The following ITK variants were observed in gnomAD, a reference collection of about 807,000 sequenced individuals.
The protein encoded by ITK is tyrosine-protein kinase ITK/TSK.
Under a neutral mutation model 87.6 loss-of-function variants are expected in ITK, and 45 were observed. That is an observed-to-expected ratio of 0.51 (90% CI 0.40 to 0.66). The LOEUF is 0.66. Among genes scored for constraint, ITK ranks in the 30% least tolerant of loss-of-function variants. ITK has a pLI of 0.00. For synonymous variants in ITK, 303 were observed against 273.6 expected (o/e 1.11, Z -1.06); for missense variants, 605 against 766.3 (o/e 0.79, Z 2.48).
intron 1 of ITK, chr5:157,195,595 C>T (rs1753836189): frequency 6.6e-6 from 1 of 152,210 alleles, no homozygotes; most frequent in South Asian, 2.1e-4. Context: ...AGTCACATTG[C>T]TGTCCTACAT....
Position 157,249,024 on chromosome 5 carries a change from C to T in ITK, c.1791+17C>T, listed in dbSNP as rs1257886621. On this transcript the variant is annotated intron_variant, in intron 16 of 16. Transcript: ENST00000422843. ...TGGAAAGAGGTCAGTGGAGGAAGTG[C>T]TTCCCCATGCATTGTCGTATACAAT... The T allele has an allele frequency of 1.2e-6, 2 of 1,610,194 alleles. No individual in the cohort carries two copies. Among genetic ancestry groups the T allele is most frequent in the African/African-American group, 1.3e-5 (1 of 74,856 alleles).
At chr5:157,244,884 A>T in intron 13 of ITK, 2 of 272,458 alleles carry the variant, frequency 7.3e-6, no homozygotes, top group South Asian at 8.0e-5. Context: ...GGGACTCAGG[A>T]ATATTCATTT....
At position 157,245,708 on chromosome 5, in the gene ITK, TG is replaced by T. The variant is rs1755006946; in HGVS notation, c.1450-17del. The T allele has an allele frequency of 6.2e-7, 1 of 1,612,018 alleles. No individual in the cohort carries two copies. The highest frequency in any genetic ancestry group is 1.3e-5 in the African/African-American group (1 of 74,906). Reference sequence around the variant, plus strand: ...AACAGTTTTCCTCTCCGCCTTTGTTTGCCTGTCTCCTCTCCAGGCTGCCAGA... The same window carrying T: ...AACAGTTTTCCTCTCCGCCTTTGTTTCCTGTCTCCTCTCCAGGCTGCCAGA... On this transcript the variant is annotated splice_polypyrimidine_tract_variant and intron_variant, in intron 13 of 16. Coordinates refer to ENST00000422843, the MANE Select transcript of ITK (RefSeq NM_005546.4).
intron 1 of ITK, among the ~76,000 whole-genome samples, chr5:157,184,076 A>C (rs1448721986): frequency 2.0e-5 from 3 of 152,194 alleles, no homozygotes; most frequent in African/African-American, 7.2e-5. Context: ...TGGGCCAGAA[A>C]GAAGCATAGA....
At position 157,244,405 on chromosome 5, in the gene ITK, T is replaced by G; in HGVS notation, c.1376T>G (p.Leu459Arg). Residue 459 changes from leucine (L) to arginine (R), a missense_variant, in exon 13 of 17, where the codon CTG becomes CGG. Coordinates refer to ENST00000422843, the MANE Select transcript of ITK (RefSeq NM_005546.4). Reference protein sequence around the residue: ...TQRGLFAAETLLGMCLDVCEG... With the variant: ...TQRGLFAAETRLGMCLDVCEG... ...CGGGGACTTTTTGCTGCAGAGACCC[T>G]GCTGGGCATGTGTCTGGATGTGTGT... 6.2e-7 allele frequency: 1 copy of G among 1,613,968 alleles called. No individual in the cohort carries two copies. Among genetic ancestry groups the G allele is most frequent in the East Asian group, 2.2e-5 (1 of 44,876 alleles).
intron 1 of ITK, among the ~76,000 whole-genome samples, chr5:157,189,814 A>G (rs528996274): frequency 1.3e-5 from 2 of 152,374 alleles, no homozygotes; most frequent in Non-Finnish European, 2.9e-5. Context: ...GCAAATGTTC[A>G]TGGACCAAAT....
intron 1 of ITK, among the ~76,000 whole-genome samples, chr5:157,192,827 A>G (rs1166385638): frequency 6.6e-6 from 1 of 152,180 alleles, no homozygotes; most frequent in Non-Finnish European, 1.5e-5. Flanking sequence ...AATAGTAGAA[A>G]TGAAAAGACA....
chr5:157,201,359 A>G (rs1010611775), intron 1 of ITK, among the ~76,000 whole-genome samples: 15 of 141,722 alleles, frequency 1.1e-4, no homozygotes, highest in Non-Finnish European at 1.8e-4. Context: ...GTACAGTGGC[A>G]TGATCTTGGC....
intron 1 of ITK, among the ~76,000 whole-genome samples, chr5:157,196,788 G>A: frequency 6.6e-6 from 1 of 152,086 alleles, no homozygotes; most frequent in Non-Finnish European, 1.5e-5. Flanking sequence ...ATGTATTTTG[G>A]CTACTGGTCC....
chr5:157,252,774 A>T lies in ITK; in HGVS notation c.*96A>T. 1.0e-6 allele frequency: 1 copy of T among 988,924 alleles called. No individual in the cohort carries two copies. Among genetic ancestry groups the T allele is most frequent in the South Asian group, 1.3e-5 (1 of 78,028 alleles). The allele number at this position is 988,924 out of a possible 1,614,324, so 61.3% of individuals were successfully genotyped here. ...CATTAGAAGCTGCCACCAGCCCAGG[A>T]CCCTCCAGAGGCAGCCTGGCCTGTG... On this transcript the variant is annotated 3_prime_UTR_variant, in exon 17 of 17. Coordinates refer to ENST00000422843, the MANE Select transcript of ITK (RefSeq NM_005546.4).
At position 157,214,271 on chromosome 5, in the gene ITK, C is replaced by G. The variant is rs1754252795; in HGVS notation, c.406C>G (p.Leu136Val). The G allele has an allele frequency of 6.2e-7, 1 of 1,611,764 alleles. No homozygotes were observed. The highest frequency in any genetic ancestry group is 8.5e-7 in the Non-Finnish European group (1 of 1,177,794). ...MDGKWRCCSQ[L>V]EKLATGCAQY... ...TGGGAAGTGGAGGTGCTGTTCTCAG[C>G]TGGAGAAGCTTGCAACAGGCTGTGC... The change falls in exon 4 of 17, where the codon CTG (leucine) becomes GTG (valine). Residue 136 changes from leucine (L) to valine (V), a missense_variant. By Grantham distance (32) the Leu-to-Val change is conservative. This residue lies in a region of ITK where 464 missense variants were observed against 578.0 expected (regional missense o/e 0.80). Coordinates refer to ENST00000422843, the MANE Select transcript of ITK (RefSeq NM_005546.4).
At chr5:157,198,175 G>A (rs163432) in intron 1 of ITK, among the ~76,000 whole-genome samples, 42,703 of 151,072 alleles carry the variant, frequency 0.28, 6,899 homozygotes, top group African/African-American at 0.45. Context: ...CCTACTCCCA[G>A]CCCCCAGGAC....
intron 1 of ITK, among the ~76,000 whole-genome samples, chr5:157,201,269 T>A (rs1396907405): frequency 1.3e-5 from 2 of 151,238 alleles, no homozygotes; most frequent in Non-Finnish European, 2.9e-5. Flanking sequence ...GTGCTTTATC[T>A]GTAAGTTTGG....
At chr5:157,238,372 T>C (rs1754819906) in intron 9 of ITK, among the ~76,000 whole-genome samples, 181 bp downstream of exon 9, 1 of 152,154 alleles carries the variant, frequency 6.6e-6, no homozygotes. Flanking sequence ...CTTAAGAGAC[T>C]TAGAAAGTGA....
chr5:157,232,240 A>G, intron 7 of ITK, 100 bp from the exon 8 acceptor site: 1 of 846,234 alleles, frequency 1.2e-6, no homozygotes. Context: ...GCACTGGTAG[A>G]AATAGAAAAT....
At chr5:157,217,287 A>G (rs1754318468) in intron 4 of ITK, among the ~76,000 whole-genome samples, 1 of 152,204 alleles carries the variant, frequency 6.6e-6, no homozygotes, top group South Asian at 2.1e-4. Context: ...AGAGATAAGC[A>G]GAAAGACAAA....
At chr5:157,228,959 A>G (rs1394269053) in intron 7 of ITK, among the ~76,000 whole-genome samples, 1 of 152,198 alleles carries the variant, frequency 6.6e-6, no homozygotes, top group Non-Finnish European at 1.5e-5. Context: ...ATGAGCACAG[A>G]AGTTGGCTCT....
At chr5:157,203,958 A>T (rs1023794345) in intron 1 of ITK, among the ~76,000 whole-genome samples, 2 of 152,214 alleles carry the variant, frequency 1.3e-5, no homozygotes, top group African/African-American at 4.8e-5. Flanking sequence ...GGGTGGGATA[A>T]TAACACACTA....
chr5:157,221,611 G>C (rs941844223), intron 5 of ITK, among the ~76,000 whole-genome samples: 2 of 152,176 alleles, frequency 1.3e-5, no homozygotes, highest in Admixed American at 1.3e-4. Context: ...TACATGTCCA[G>C]TGTGCCCCTA....
Sources: allele counts gnomAD v4.1 joint callset (sites outside exome capture counted in the v4.1 genomes callset), GRCh38; gene constraint gnomAD v4.1.1; regional missense constraint gnomAD v4.1.1; transcripts MANE v1.5; gene names NCBI Gene and HGNC (gene_info 2026-07-23, HGNC 2026-07-21).